SOX6: variants seen among roughly 807,000 people sequenced by gnomAD.
SOX6 encodes the protein transcription factor SOX-6.
SOX6 carries 11 observed loss-of-function variants against 97.8 expected under a neutral mutation model. The ratio of observed to expected loss-of-function variants is 0.11; its 90% confidence interval spans 0.07 to 0.19. The LOEUF (loss-of-function observed/expected upper bound fraction) is 0.19, where lower values mean the gene tolerates loss of function less well. SOX6 is among the 10% of genes least tolerant of loss of function. The probability of loss-of-function intolerance (pLI) is 1.00; values close to 1 mark genes in which losing one functional copy is unlikely to be tolerated. For missense variants in SOX6, 810 were observed against 1,039.5 expected (o/e 0.78, Z 3.04); for synonymous variants, 360 against 371.4 (o/e 0.97, Z 0.35).
intron 1 of SOX6, chr11:16,476,269 C>G (rs1287436584): frequency 6.6e-6 from 1 of 152,430 alleles, no homozygotes; most frequent in African/African-American, 2.4e-5. Flanking sequence ...CAAACTGTAA[C>G]TGTTTCATTA....
At chr11:16,027,327 A>G (rs1394954047) in intron 12 of SOX6, among the ~76,000 whole-genome samples, 1 of 152,310 alleles carries the variant, frequency 6.6e-6, no homozygotes, top group Admixed American at 6.5e-5. Flanking sequence ...AGTATATATT[A>G]ACAAAAATGT....
In SOX6 at chr11:16,618,629, G is replaced by A. The variant is rs375521531; in HGVS notation, n.430-6369C>T. On this transcript the variant is annotated intron_variant and non_coding_transcript_variant, in intron 3 of 5. Transcript: ENST00000524520. ...AAACAGATGTTTACAAAGCTGTTTC[G>A]TATGCGGTCTTAAAAGACGATAAAA... Among the ~76,000 whole-genome samples the A allele has an allele frequency of 1.3e-4, 20 of 151,910 alleles. No homozygotes were observed. In the South Asian group the frequency reaches 3.7e-3, roughly 28 times the overall value.
intron 3 of SOX6, 141 bp downstream of exon 3, chr11:16,318,305 A>G (rs901051365): frequency 1.7e-5 from 14 of 817,906 alleles, no homozygotes; most frequent in Non-Finnish European, 2.6e-5. Context: ...CCATCACCAT[A>G]GTAACCTCTG....
chr11:16,448,724 C>T (rs912127904), intron 1 of SOX6, among the ~76,000 whole-genome samples: 9 of 152,132 alleles, frequency 5.9e-5, no homozygotes, highest in African/African-American at 1.9e-4. Context: ...CTATCTCATA[C>T]AAGACCTATT....
At chr11:16,420,722 C>T (rs1271852460) in intron 1 of SOX6, among the ~76,000 whole-genome samples, 2 of 152,094 alleles carry the variant, frequency 1.3e-5, no homozygotes, top group Non-Finnish European at 2.9e-5. Flanking sequence ...ATTCTTCAAC[C>T]TCTTTTGAAT....
chr11:16,258,828 T>TAC (rs1342999416), intron 3 of SOX6, among the ~76,000 whole-genome samples: 6 of 122,098 alleles, frequency 4.9e-5, no homozygotes, highest in East Asian at 5.0e-4. Context: ...TATACATGTA[T>TAC]ATACACACAC....
At chr11:16,060,059 T>C (rs1847908351) in intron 9 of SOX6, among the ~76,000 whole-genome samples, 1 of 152,002 alleles carries the variant, frequency 6.6e-6, no homozygotes, top group African/African-American at 2.4e-5. Context: ...TTTACCTCAA[T>C]CATTAAAAAG....
rs956064612 is a variant in SOX6 at position 16,645,185 on chromosome 11, C to T, written n.430-32925G>A. 2.0e-5 allele frequency among the ~76,000 whole-genome samples: 3 copies of T among 152,034 alleles called. No homozygotes were observed. The South Asian group carries it at 6.2e-4, about 31-fold the overall frequency. On this transcript the variant is annotated intron_variant and non_coding_transcript_variant, in intron 3 of 5. Coordinates refer to the SOX6 transcript ENST00000524520. ...CCCAGCTTTCAATCAAATTTTTTTTCTGTATTTTATCAAATGCCACTAATA... is the reference window on the plus strand; with the variant it reads ...CCCAGCTTTCAATCAAATTTTTTTTTTGTATTTTATCAAATGCCACTAATA...
At chr11:16,282,592 A>C (rs971686811) in intron 3 of SOX6, among the ~76,000 whole-genome samples, 3 of 151,572 alleles carry the variant, frequency 2.0e-5, no homozygotes, top group African/African-American at 7.3e-5. Flanking sequence ...GGTTAAAAAA[A>C]CACATTTCCA....
At chr11:16,337,619 T>C (rs1259679855) in intron 2 of SOX6, among the ~76,000 whole-genome samples, 1 of 152,068 alleles carries the variant, frequency 6.6e-6, no homozygotes, top group East Asian at 1.9e-4. Flanking sequence ...GTGGTAGCAG[T>C]TGTGGATAGA....
intron 1 of SOX6, among the ~76,000 whole-genome samples, chr11:16,431,500 C>T (rs1225948772): frequency 6.6e-6 from 1 of 152,016 alleles, no homozygotes; most frequent in East Asian, 1.9e-4. Flanking sequence ...GGCAACATCC[C>T]AATGCTCTCT....
intron 3 of SOX6, among the ~76,000 whole-genome samples, chr11:16,271,062 C>T (rs1348063169): frequency 1.3e-5 from 2 of 151,258 alleles, no homozygotes; most frequent in Non-Finnish European, 3.0e-5. Flanking sequence ...AGAAAGAATA[C>T]ATCCATTTAT....
At chr11:16,518,535 T>C (rs1861009960) in intron 4 of SOX6, among the ~76,000 whole-genome samples, 1 of 152,216 alleles carries the variant, frequency 6.6e-6, no homozygotes, top group Non-Finnish European at 1.5e-5. Flanking sequence ...CTTGTCTTAT[T>C]TATTTTAATT....
rs142196636 is a variant in SOX6 at position 16,601,574 on chromosome 11, T to C, written n.609+10507A>G. ...GAATGCTTTCAAACATGGAAAGAGA[T>C]ACATAACCGAACAAAACAGAAAAGC... is the stretch of plus-strand genomic sequence containing the variant. On this transcript the variant is annotated intron_variant and non_coding_transcript_variant, in intron 4 of 5. Coordinates refer to the SOX6 transcript ENST00000524520. Among the ~76,000 whole-genome samples, 88 of 152,256 alleles carry C rather than the reference T, an allele frequency of 5.8e-4. 1 individual carries two copies. Among genetic ancestry groups the C allele is most frequent in the African/African-American group, 2.1e-3 (86 of 41,570 alleles).
intron 4 of SOX6, among the ~76,000 whole-genome samples, chr11:16,204,485 A>G (rs1222791598): frequency 6.6e-6 from 1 of 152,000 alleles, no homozygotes; most frequent in Non-Finnish European, 1.5e-5. Flanking sequence ...GTGTTTTCCA[A>G]TTTGAACTTC....
intron 13 of SOX6, 73 bp from the exon 14 acceptor site, chr11:15,989,303 G>T (rs995837657): frequency 4.0e-6 from 5 of 1,257,486 alleles, no homozygotes; most frequent in African/African-American, 1.5e-5. Flanking sequence ...ACAGCTTGCC[G>T]CCTGGGTCAG....
chr11:16,353,531 C>G (rs562997444), intron 1 of SOX6, among the ~76,000 whole-genome samples: 1 of 152,114 alleles, frequency 6.6e-6, no homozygotes, highest in Admixed American at 6.6e-5. Context: ...TCACAAATAA[C>G]TAAAGTGCTG....
At chr11:16,718,298 C>T (rs890519254) in intron 2 of SOX6, among the ~76,000 whole-genome samples, 10 of 151,808 alleles carry the variant, frequency 6.6e-5, no homozygotes, top group Non-Finnish European at 1.0e-4. Flanking sequence ...TACAAGCAGA[C>T]TTCTAAGATC....
chr11:16,443,656 A>G (rs573731069), intron 1 of SOX6, among the ~76,000 whole-genome samples: 1 of 152,262 alleles, frequency 6.6e-6, no homozygotes, highest in Admixed American at 6.5e-5. Flanking sequence ...GGTTTGATGT[A>G]CAAATGATCT....
Sources: allele counts gnomAD v4.1 joint callset (sites outside exome capture counted in the v4.1 genomes callset), GRCh38; gene constraint gnomAD v4.1.1; transcripts MANE v1.5; gene names NCBI Gene and HGNC (gene_info 2026-07-23, HGNC 2026-07-21).